The following ATG14 variants were observed in gnomAD, a reference collection of about 807,000 sequenced individuals.
ATG14 encodes the protein beclin 1-associated autophagy-related key regulator.
In ATG14, 35 loss-of-function variants were observed where a neutral mutation model predicts 60.4. The observed-to-expected ratio is 0.58, with a 90% CI of 0.44 to 0.77. ATG14 has a LOEUF of 0.77. Ranked by LOEUF, ATG14 falls within the 30% of genes least tolerant of loss-of-function variation. The pLI is 0.00. For missense variants in ATG14, 647 were observed against 626.3 expected (o/e 1.03, Z -0.35); for synonymous variants, 234 against 228.8 (o/e 1.02, Z -0.21).
intron 3 of ATG14, among the ~76,000 whole-genome samples, chr14:55,392,129 T>G (rs925625252): frequency 1.4e-4 from 21 of 152,054 alleles, no homozygotes; most frequent in Middle Eastern, 3.2e-3. Context: ...CTCATAGGAG[T>G]GCACAACCTA....
intron 1 of ATG14, among the ~76,000 whole-genome samples, chr14:55,409,468 T>C (rs574212338): frequency 2.2e-4 from 34 of 151,974 alleles, no homozygotes; most frequent in Admixed American, 4.6e-4. Flanking sequence ...GTAAGTGTTA[T>C]GGAAAAGAAA....
Position 55,391,244 on chromosome 14 carries a change from G to A in ATG14, c.328-252C>T, listed in dbSNP as rs1885210335. 1.6e-5 allele frequency: 5 copies of A among 312,064 alleles called. No individual in the cohort carries two copies. In the South Asian group the frequency reaches 1.7e-4, roughly 10 times the overall value. 19.3% of individuals were successfully genotyped at this position (312,064 alleles called of 1,614,324 possible). On this transcript the variant is annotated intron_variant, in intron 3 of 9. Transcript: ENST00000247178. ...TAATCGCAGCACTTTGGGAGGCCAA[G>A]GAGGGCAGATCAAGAGGTTAGGAGA...
intron 3 of ATG14, among the ~76,000 whole-genome samples, chr14:55,392,115 G>A (rs915204213): frequency 6.6e-6 from 1 of 152,182 alleles, no homozygotes; most frequent in African/African-American, 2.4e-5. Flanking sequence ...TCAGGCTTTA[G>A]AGTCTCATAG....
chr14:55,403,775 T>C (rs550968269), intron 1 of ATG14, among the ~76,000 whole-genome samples: 1 of 152,344 alleles, frequency 6.6e-6, no homozygotes, highest in South Asian at 2.1e-4. Context: ...CTGTGCATCA[T>C]CTATAATAGA....
chr14:55,393,957 C>T (rs1467243141), intron 3 of ATG14, among the ~76,000 whole-genome samples: 1 of 151,720 alleles, frequency 6.6e-6, no homozygotes, highest in Non-Finnish European at 1.5e-5. Context: ...CATCATTCCA[C>T]AGCACGTAGA....
chr14:55,379,794 A>G (rs1884994065), intron 7 of ATG14, among the ~76,000 whole-genome samples: 2 of 152,162 alleles, frequency 1.3e-5, no homozygotes, highest in African/African-American at 4.8e-5. Context: ...TGATCTCAGC[A>G]TCACTGCAAC....
At chr14:55,402,926 A>AATAT (rs71131262) in intron 1 of ATG14, among the ~76,000 whole-genome samples, 379 of 16,284 alleles carry the variant, frequency 0.023, 11 homozygotes, top group Admixed American at 0.026. Context: ...AAAAAAAAAA[A>AATAT]ATATATATAT....
At chr14:55,391,062 T>A in intron 3 of ATG14, 70 bp from the exon 4 acceptor site, 1 of 1,000,696 alleles carries the variant, frequency 1.0e-6, no homozygotes. Flanking sequence ...CTACCTGGGA[T>A]CACTGCTTAT....
intron 5 of ATG14, among the ~76,000 whole-genome samples, chr14:55,384,806 G>A (rs1251430907): frequency 2.0e-5 from 3 of 152,236 alleles, no homozygotes; most frequent in Admixed American, 6.5e-5. Context: ...GAGCAGCCTG[G>A]TGGCTTGTGG....
intron 9 of ATG14, among the ~76,000 whole-genome samples, chr14:55,372,391 CCTT>C (rs1223451474): frequency 6.6e-6 from 1 of 152,116 alleles, no homozygotes; most frequent in Non-Finnish European, 1.5e-5. Flanking sequence ...TGGGCTCCCT[CCTT>C]TACTAAACCA....
intron 5 of ATG14, among the ~76,000 whole-genome samples, chr14:55,384,996 A>G (rs948326276): frequency 2.6e-5 from 4 of 152,220 alleles, no homozygotes; most frequent in Non-Finnish European, 5.9e-5. Context: ...CTGTCCCACC[A>G]GGGGTTATCC....
Position 55,368,810 on chromosome 14 carries a change from C to G in ATG14, c.*809G>C, listed in dbSNP as rs1264182738. 1 of 152,180 alleles carries G rather than the reference C, an allele frequency of 6.6e-6. No homozygotes were observed. The highest frequency in any genetic ancestry group is 6.5e-5 in the Admixed American group (1 of 15,282). 9.4% of individuals were successfully genotyped at this position (152,180 alleles called of 1,614,324 possible). A position where few individuals can be genotyped will look rare whatever the true frequency, so the allele number is the denominator to read the frequency against. On this transcript the variant is annotated 3_prime_UTR_variant, in exon 10 of 10. Coordinates refer to ENST00000247178, the MANE Select transcript of ATG14 (RefSeq NM_014924.5). ...ATGACCTTCATGACTTATTTTCACC[C>G]AGAAAATATAAGTTCAATTTCAAAA...
intron 1 of ATG14, among the ~76,000 whole-genome samples, chr14:55,398,255 T>G (rs975178210): frequency 6.6e-6 from 1 of 152,136 alleles, no homozygotes; most frequent in Non-Finnish European, 1.5e-5. Flanking sequence ...CCAGCATAGT[T>G]ATTATTTTCT....
At chr14:55,371,814 CAAA>C (rs999427813) in intron 9 of ATG14, among the ~76,000 whole-genome samples, 8 of 150,336 alleles carry the variant, frequency 5.3e-5, no homozygotes, top group Non-Finnish European at 1.0e-4. Context: ...AAAAAACAAA[CAAA>C]AAAACAAAGA....
rs1466017557 is a variant in ATG14 at position 55,378,008 on chromosome 14, A to G, written c.1062T>C (p.Asn354=). Residue 354 remains asparagine (N), a synonymous_variant, in exon 8 of 10, where the codon AAT becomes AAC. Coordinates refer to ENST00000247178, the MANE Select transcript of ATG14 (RefSeq NM_014924.5). ...FTRAVKKLNA[N]ILYLCFSQHV... is the part of the protein sequence containing the mutation. ...CCTGAGAAAAACAAAGGTAAAGAAT[A>G]TTTGCATTCAGTTTCTTCACTGCTC... The G allele has an allele frequency of 6.2e-7, 1 of 1,612,332 alleles. No homozygotes were observed. Among genetic ancestry groups the G allele is most frequent in the African/African-American group, 1.3e-5 (1 of 74,924 alleles).
chr14:55,381,691 G>C (rs1451053527), intron 6 of ATG14, among the ~76,000 whole-genome samples: 2 of 152,200 alleles, frequency 1.3e-5, no homozygotes, highest in Admixed American at 6.5e-5. Context: ...AAGCTGCCCA[G>C]AACAGGCAAA....
chr14:55,394,865 C>G, intron 3 of ATG14: 1 of 342,964 alleles, frequency 2.9e-6, no homozygotes, highest in East Asian at 7.7e-5. Context: ...ACACCCAAGA[C>G]AGTAAAAGCC....
At chr14:55,390,790 A>G in intron 4 of ATG14, 121 bp downstream of exon 4, 1 of 681,520 alleles carries the variant, frequency 1.5e-6, no homozygotes, top group South Asian at 1.8e-5. Context: ...GAGTAGTAAA[A>G]TTCTCCAAGT....
At chr14:55,397,576 G>A (rs979859924) in intron 1 of ATG14, 142 bp from the exon 2 acceptor site, 2 of 679,622 alleles carry the variant, frequency 2.9e-6, no homozygotes, top group Non-Finnish European at 5.2e-6. Flanking sequence ...TCTTCTCAAC[G>A]GGGTGCACAC....
Sources: gnomAD v4.1 joint callset for allele counts (sites outside exome capture counted in the v4.1 genomes callset) on GRCh38, gnomAD v4.1.1 for gene constraint, MANE v1.5 for transcripts, NCBI Gene and HGNC (gene_info 2026-07-23, HGNC 2026-07-21) for gene names.